JAK3: variants seen among roughly 807,000 people sequenced by gnomAD.
JAK3 encodes the protein Janus kinase 3.
In JAK3, 88 loss-of-function variants were observed where a neutral mutation model predicts 120.8. That is an observed-to-expected ratio of 0.73 (90% CI 0.61 to 0.87). JAK3 has a LOEUF of 0.87. JAK3 is among the 40% of genes least tolerant of loss of function. JAK3 has a pLI of 0.00. For synonymous variants in JAK3, 592 were observed against 628.6 expected (o/e 0.94, Z 0.87); for missense variants, 1,254 against 1,501.4 (o/e 0.84, Z 2.72).
rs775643879 is a variant in JAK3, at chr19:17,828,217, A to G, written c.3208-1307T>C. 2.1e-4 allele frequency among the ~76,000 whole-genome samples: 24 copies of G among 116,572 alleles called. 1 individual carries two copies. Among genetic ancestry groups the G allele is most frequent in the Non-Finnish European group, 3.2e-4 (19 of 58,552 alleles). 76.5% of individuals were successfully genotyped at this position (116,572 alleles called of 152,430 possible). ...CTTTCAAGGCACTTATCACTACCAT[A>G]ATTTTGTCTTTGTTTTGTTTTGTTT... is the stretch of plus-strand genomic sequence containing the variant. On this transcript the variant is annotated intron_variant, in intron 23 of 23. Coordinates refer to ENST00000458235, the MANE Select transcript of JAK3 (RefSeq NM_000215.4).
At chr19:17,836,623 AC>A in intron 13 of JAK3, 1 of 385,128 alleles carries the variant, frequency 2.6e-6, no homozygotes, top group South Asian at 2.9e-5. Context: ...TGCCTAGAAC[AC>A]CCCTCTTCCT....
At chr19:17,830,065 A>C (rs200392933) in intron 23 of JAK3, 43 bp downstream of exon 23, 11 of 1,448,272 alleles carry the variant, frequency 7.6e-6, no homozygotes, top group Non-Finnish European at 1.0e-5. Context: ...ACCCCGGCCC[A>C]ATCTACAGAC....
At chr19:17,840,622 G>T (rs1046505371) in intron 8 of JAK3, among the ~76,000 whole-genome samples, 1 of 151,986 alleles carries the variant, frequency 6.6e-6, no homozygotes, top group African/African-American at 2.4e-5. Context: ...AAATAGCCGG[G>T]CGTGGTGGCG....
chr19:17,840,240 A>G lies in JAK3; in HGVS notation c.1244T>C (p.Val415Ala). The G allele has an allele frequency of 6.2e-7, 1 of 1,612,928 alleles. No homozygotes were observed. The highest frequency in any genetic ancestry group is 8.5e-7 in the Non-Finnish European group (1 of 1,179,078). Residue 415 changes from valine (V) to alanine (A), a missense_variant, in exon 9 of 24, where the codon GTC (valine) becomes GCC (alanine). Around this residue, in one of 3 missense-constraint regions of JAK3, gnomAD observed 486 missense variants for 503.0 expected, o/e 0.97. Coordinates refer to ENST00000458235, the MANE Select transcript of JAK3 (RefSeq NM_000215.4). Reference protein sequence around the residue: ...PQDFDSFLLTVCVQNPLGPDY... With the variant: ...PQDFDSFLLTACVQNPLGPDY... ...TAGCAGTAGACCGACCTGGACACAGACAGTGAGGAGGAAGCTGTCAAAGTC... is the reference window on the plus strand; with the variant it reads ...TAGCAGTAGACCGACCTGGACACAGGCAGTGAGGAGGAAGCTGTCAAAGTC...
intron 23 of JAK3, 78 bp downstream of exon 23, chr19:17,830,030 T>C: frequency 9.7e-7 from 1 of 1,026,630 alleles, no homozygotes; most frequent in South Asian, 1.4e-5. Context: ...GTACAGAGAC[T>C]CAGGCGCCAG....
In JAK3 at chr19:17,835,940, T is replaced by C. The variant is rs1049658753; in HGVS notation, c.1898A>G (p.Tyr633Cys). 6.2e-7 allele frequency: 1 copy of C among 1,613,930 alleles called. No individual in the cohort carries two copies. The highest frequency in any genetic ancestry group is 8.5e-7 in the Non-Finnish European group (1 of 1,180,050). The change falls in exon 14 of 24, where the codon TAC (tyrosine) becomes TGC (cysteine). Residue 633 changes from tyrosine (Y) to cysteine (C), a missense_variant. Tyr to Cys is a radical substitution (Grantham distance 194). Around this residue, in one of 3 missense-constraint regions of JAK3, gnomAD observed 630 missense variants for 819.8 expected, o/e 0.77. Transcript: ENST00000458235. ...AGCACTCACCAGATAGTTGAGGGCG[T>C]AGGCCAGCTGTTTGACCACCTGCAG... ...WKLQVVKQLAYALNYLEDKGL... is the reference protein window; with the variant it reads ...WKLQVVKQLACALNYLEDKGL...
rs1326423452 is a variant in JAK3 at position 17,844,394 on chromosome 19, C to T, written c.24G>A (p.Thr8=). Residue 8 remains threonine, a synonymous_variant, in exon 2 of 24, where the codon ACG becomes ACA. Coordinates refer to ENST00000458235, the MANE Select transcript of JAK3 (RefSeq NM_000215.4). MAPPSEE[T]PLIPQRSCSL... is the part of the protein sequence containing the mutation. ...TGCATGAACGCTGAGGGATCAGGGG[C>T]GTCTCTTCACTTGGAGGTGCCATGA... 5 of 1,611,374 alleles carry T rather than the reference C, an allele frequency of 3.1e-6. No individual in the cohort carries two copies. Among genetic ancestry groups the T allele is most frequent in the Admixed American group, 3.3e-5 (2 of 59,794 alleles).
rs200075643 is a variant in JAK3, at chr19:17,835,995, G to A, written c.1843C>T (p.Arg615Cys). ...CAGCTGGCTGGCACCAGGTGGCCAC[G>A]TTTTCGCAGATACATGTCTATGGCC... is the stretch of plus-strand genomic sequence containing the variant. ...LGAIDMYLRK[R>C]GHLVPASWKL... The change falls in exon 14 of 24, where the codon CGT (arginine) becomes TGT (cysteine). Residue 615 changes from arginine to cysteine, a missense_variant. Arg to Cys is a radical substitution (Grantham distance 180). Coordinates refer to ENST00000458235, the MANE Select transcript of JAK3 (RefSeq NM_000215.4). 3.5e-4 allele frequency: 573 copies of A among 1,614,138 alleles called. 5 individuals carry two copies. In the South Asian group the frequency reaches 5.9e-3, roughly 17 times the overall value.
At position 17,826,805 on chromosome 19, in the gene JAK3, A is replaced by C. The variant is rs1568399376; in HGVS notation, c.3313T>G (p.Cys1105Gly). Residue 1105 changes from cysteine (C) to glycine (G), a missense_variant, in exon 24 of 24, where the codon TGT becomes GGT. This residue lies in a region of JAK3 where 630 missense variants were observed against 819.8 expected (regional missense o/e 0.77). Coordinates refer to ENST00000458235, the MANE Select transcript of JAK3 (RefSeq NM_000215.4). ...TGAGCAGTGAAGGCATGAGTCTCAC[A>C]CCCCCGGCTTCCGCTCCACAGCATG... ...LDMLWSGSRG[C>G]ETHAFTAHPE... 6.2e-7 allele frequency: 1 copy of C among 1,613,790 alleles called. No homozygotes were observed. The highest frequency in any genetic ancestry group is 8.5e-7 in the Non-Finnish European group (1 of 1,179,942).
At chr19:17,828,226 TTTGTTTTG>T (rs772303196) in intron 23 of JAK3, among the ~76,000 whole-genome samples, 10 of 17,556 alleles carry the variant, frequency 5.7e-4, no homozygotes, top group African/African-American at 1.2e-3. Flanking sequence ...TAATTTTGTC[TTTGTTTTG>T]TTTTGTTTTG....
In JAK3 at chr19:17,837,156, G is replaced by T; in HGVS notation, c.1759C>A (p.Leu587Ile). ...SQVSYRHLVLLHGVCMAGDST... is the reference protein window; with the variant it reads ...SQVSYRHLVLIHGVCMAGDST... Reference sequence around the variant, plus strand: ...TCTCCAGCCATGCACACGCCGTGGAGCAGCACGAGATGCCGGTACGACACT... The same window carrying T: ...TCTCCAGCCATGCACACGCCGTGGATCAGCACGAGATGCCGGTACGACACT... Residue 587 changes from leucine (L) to isoleucine (I), a missense_variant, in exon 13 of 24, where the codon CTC becomes ATC. Around this residue, in one of 3 missense-constraint regions of JAK3, gnomAD observed 630 missense variants for 819.8 expected, o/e 0.77. Transcript: ENST00000458235. The T allele has an allele frequency of 6.4e-7, 1 of 1,563,204 alleles. No homozygotes were observed. Among genetic ancestry groups the T allele is most frequent in the Non-Finnish European group, 8.7e-7 (1 of 1,154,178 alleles).
Position 17,841,549 on chromosome 19 carries a change from GC to G in JAK3, c.985-4del. On this transcript the variant is annotated splice_polypyrimidine_tract_variant and splice_region_variant and intron_variant, in intron 7 of 23. Transcript: ENST00000458235. The surrounding 1 kb of genome is among the most constrained non-coding windows in gnomAD (Gnocchi z 4.1). The stretch of plus-strand genomic sequence containing the variant: ...GGCAGCCCTGGGAACTCGGCCTCCT[GC>G]GAGGGACAAGCGTCAGAGCCCAGTG... 2.5e-6 allele frequency: 4 copies of G among 1,595,800 alleles called. No homozygotes were observed. The highest frequency in any genetic ancestry group is 3.4e-6 in the Non-Finnish European group (4 of 1,171,404).
rs201999703 is a variant in JAK3, at chr19:17,832,640, G to A, written c.2559C>T (p.Ala853=). Residue 853 remains alanine, a synonymous_variant, in exon 19 of 24, where the codon GCC becomes GCT. Coordinates refer to ENST00000458235, the MANE Select transcript of JAK3 (RefSeq NM_000215.4). This position sits in a 1 kb window ranked among gnomAD's most constrained non-coding sequence, Gnocchi z 4.7. ...PLGDNTGALV[A]VKQLQHSGPD... is the part of the protein sequence containing the mutation. ...GCCCGCTGTGCTGCAGCTGTTTCAC[G>A]GCCACCAGGGCACCTGTATTGTCGC... is the stretch of plus-strand genomic sequence containing the variant. 13 of 1,614,060 alleles carry A rather than the reference G, an allele frequency of 8.1e-6. No individual in the cohort carries two copies. The highest frequency in any genetic ancestry group is 4.0e-5 in the African/African-American group (3 of 74,910).
chr19:17,830,759 G>C (rs1599866511), intron 21 of JAK3, 139 bp from the exon 22 acceptor site: 2 of 708,186 alleles, frequency 2.8e-6, no homozygotes, highest in East Asian at 5.3e-5. Flanking sequence ...CGGTTTCCCT[G>C]GCTGTGGGAT....
chr19:17,826,472 C>A lies in JAK3; in HGVS notation c.*271G>T, dbSNP rs886054277. On this transcript the variant is annotated 3_prime_UTR_variant, in exon 24 of 24. Coordinates refer to ENST00000458235, the MANE Select transcript of JAK3 (RefSeq NM_000215.4). ...CAGGGCTTAAGGGGTTGGGAAGATG[C>A]GAGAGTCTTAAATTTGGTTCCTTGC... is the stretch of plus-strand genomic sequence containing the variant. The A allele has an allele frequency of 3.8e-6, 2 of 525,480 alleles. No homozygotes were observed. Among genetic ancestry groups the A allele is most frequent in the South Asian group, 2.2e-5 (1 of 44,698 alleles). 32.6% of individuals were successfully genotyped at this position (525,480 alleles called of 1,614,324 possible).
intron 23 of JAK3, among the ~76,000 whole-genome samples, chr19:17,828,679 G>A (rs1268985126): frequency 1.3e-5 from 2 of 152,082 alleles, no homozygotes; most frequent in Non-Finnish European, 1.5e-5. Context: ...ATGAGCCATC[G>A]TGCCCAGCCT....
In JAK3 at chr19:17,843,079, G is replaced by C. The variant is rs754849982; in HGVS notation, c.514C>G (p.Arg172Gly). The change falls in exon 5 of 24, where the codon CGG becomes GGG. Residue 172 changes from arginine to glycine, a missense_variant. Physicochemically the swap from Arg to Gly is moderately radical, Grantham distance 125. This residue lies in a region of JAK3 where 486 missense variants were observed against 503.0 expected (regional missense o/e 0.97). Coordinates refer to ENST00000458235, the MANE Select transcript of JAK3 (RefSeq NM_000215.4). The surrounding 1 kb of genome is among the most constrained non-coding windows in gnomAD (Gnocchi z 5.4). ...CGCTGGGCCTGCTCTCGCGCCATCC[G>C]GGCCAGGTCCAACACGGCCAGGCTG... ...CLSLAVLDLA[R>G]MAREQAQRPG... The C allele has an allele frequency of 1.2e-6, 2 of 1,610,724 alleles. No individual in the cohort carries two copies. Among genetic ancestry groups the C allele is most frequent in the Non-Finnish European group, 1.7e-6 (2 of 1,179,940 alleles).
chr19:17,829,836 TG>T (rs1406056484), intron 23 of JAK3: 10 of 571,834 alleles, frequency 1.7e-5, no homozygotes, highest in Non-Finnish European at 3.1e-5. Flanking sequence ...GGCTTTGAGC[TG>T]AGCCCTCATA....
chr19:17,834,436 A>T, intron 17 of JAK3, 135 bp downstream of exon 17: 1 of 849,894 alleles, frequency 1.2e-6, no homozygotes, highest in Non-Finnish European at 2.0e-6. Flanking sequence ...GTTGAAGCTC[A>T]CACTGACTGT....
Sources: allele counts gnomAD v4.1 joint callset (sites outside exome capture counted in the v4.1 genomes callset), GRCh38; gene constraint gnomAD v4.1.1; regional missense constraint gnomAD v4.1.1; non-coding constraint Gnocchi (gnomAD v3.1); transcripts MANE v1.5; gene names NCBI Gene and HGNC (gene_info 2026-07-23, HGNC 2026-07-21).